MAP3K3: variants seen among roughly 807,000 people sequenced by gnomAD.
MAP3K3 encodes MAP/ERK kinase kinase 3.
MAP3K3 carries 12 observed loss-of-function variants against 80.9 expected under a neutral mutation model. The observed-to-expected ratio is 0.15, with a 90% CI of 0.10 to 0.24. The LOEUF is 0.24. Ranked by LOEUF, MAP3K3 falls within the 10% of genes least tolerant of loss-of-function variation. The pLI is 1.00. For synonymous variants in MAP3K3, 272 were observed against 307.1 expected (o/e 0.89, Z 1.19); for missense variants, 596 against 834.7 (o/e 0.71, Z 3.52).
At chr17:63,687,625 G>A (rs2035483993) in intron 8 of MAP3K3, among the ~76,000 whole-genome samples, 1 of 151,898 alleles carries the variant, frequency 6.6e-6, no homozygotes, top group Non-Finnish European at 1.5e-5. Flanking sequence ...AGGAGGTGGA[G>A]GTTGCAGTGA....
In MAP3K3 at chr17:63,691,654, C is replaced by A; in HGVS notation, c.1345-79C>A. The stretch of plus-strand genomic sequence containing the variant: ...ATTGAACAAATCACTCCTTTGCTGC[C>A]ATGCTGGGGGCTGGAATGGGCTTGC... On this transcript the variant is annotated intron_variant, in intron 13 of 15. Coordinates refer to ENST00000361733, the MANE Select transcript of MAP3K3 (RefSeq NM_002401.5). This position sits in a 1 kb window ranked among gnomAD's most constrained non-coding sequence, Gnocchi z 4.8. 4 of 1,550,038 alleles carry A rather than the reference C, an allele frequency of 2.6e-6. No individual in the cohort carries two copies. The South Asian group carries it at 4.8e-5, about 18-fold the overall frequency.
Position 63,622,738 on chromosome 17 carries a change from C to T in MAP3K3, c.-22C>T, listed in dbSNP as rs776978383. 3.9e-6 allele frequency: 2 copies of T among 518,350 alleles called. No individual in the cohort carries two copies. Among genetic ancestry groups the T allele is most frequent in the Admixed American group, 4.6e-5 (2 of 43,542 alleles). 32.1% of individuals were successfully genotyped at this position (518,350 alleles called of 1,614,324 possible). A position where few individuals can be genotyped will look rare whatever the true frequency, so the allele number is the denominator to read the frequency against. On this transcript the variant is annotated 5_prime_UTR_variant, in exon 1 of 16. Coordinates refer to ENST00000361733, the MANE Select transcript of MAP3K3 (RefSeq NM_002401.5). Reference sequence around the variant, plus strand: ...GGAGGTGACACTCACGGACCTTAGCCACCGCCGCCGCCATCGCCACCATGG... The same window carrying T: ...GGAGGTGACACTCACGGACCTTAGCTACCGCCGCCGCCATCGCCACCATGG...
At chr17:63,647,137 C>T (rs1450089535) in intron 3 of MAP3K3, among the ~76,000 whole-genome samples, 2 of 152,168 alleles carry the variant, frequency 1.3e-5, no homozygotes, top group African/African-American at 4.8e-5. Context: ...ACTATTCTCC[C>T]TTTAAAATAC....
At chr17:63,626,866 C>G (rs2034113339) in intron 1 of MAP3K3, among the ~76,000 whole-genome samples, 1 of 152,028 alleles carries the variant, frequency 6.6e-6, no homozygotes, top group Non-Finnish European at 1.5e-5. Flanking sequence ...TTAAATGAAA[C>G]AAAACAAAGA....
intron 6 of MAP3K3, among the ~76,000 whole-genome samples, chr17:63,678,250 A>C (rs1307880964): frequency 6.6e-6 from 1 of 152,130 alleles, no homozygotes; most frequent in Non-Finnish European, 1.5e-5. Context: ...ATATTTTTTT[A>C]AGAAAAAAAA....
intron 5 of MAP3K3, among the ~76,000 whole-genome samples, chr17:63,662,059 C>T (rs969420755): frequency 7.9e-5 from 12 of 151,698 alleles, no homozygotes; most frequent in African/African-American, 2.4e-4. Context: ...GCCAGGATTG[C>T]GCCATTGCAC....
At chr17:63,676,443 C>T (rs2035221606) in intron 6 of MAP3K3, among the ~76,000 whole-genome samples, 1 of 152,228 alleles carries the variant, frequency 6.6e-6, no homozygotes, top group South Asian at 2.1e-4. Context: ...TTCATCCTGC[C>T]TAGGCATAGT....
intron 3 of MAP3K3, among the ~76,000 whole-genome samples, chr17:63,650,696 GT>G (rs1555688792): frequency 9.8e-5 from 11 of 112,486 alleles, no homozygotes; most frequent in Admixed American, 1.7e-4. Context: ...GAGAGAGAGA[GT>G]TTTTTTTTTT....
chr17:63,630,515 T>C (rs2034194226), intron 1 of MAP3K3, among the ~76,000 whole-genome samples: 1 of 152,100 alleles, frequency 6.6e-6, no homozygotes, highest in South Asian at 2.1e-4. Context: ...TTTTGTAGAA[T>C]GTAGTTTTGC....
intron 1 of MAP3K3, among the ~76,000 whole-genome samples, chr17:63,631,478 A>T (rs1002336127): frequency 6.6e-6 from 1 of 152,198 alleles, no homozygotes; most frequent in South Asian, 2.1e-4. Flanking sequence ...GTGTGCCCCA[A>T]GTCCCCAAAT....
intron 6 of MAP3K3, among the ~76,000 whole-genome samples, chr17:63,678,723 A>G (rs2035270589): frequency 6.6e-6 from 1 of 152,230 alleles, no homozygotes. Flanking sequence ...CTGACTTAAT[A>G]TAGAAGAATT....
intron 1 of MAP3K3, among the ~76,000 whole-genome samples, chr17:63,630,178 A>G (rs1321824921): frequency 1.3e-5 from 2 of 152,182 alleles, no homozygotes; most frequent in Non-Finnish European, 2.9e-5. Context: ...TTATTATTAC[A>G]GTTGGCCCAA....
intron 5 of MAP3K3, among the ~76,000 whole-genome samples, chr17:63,659,321 A>G (rs1406575262): frequency 6.6e-6 from 1 of 152,186 alleles, no homozygotes; most frequent in Non-Finnish European, 1.5e-5. Flanking sequence ...AAATATTTAC[A>G]TTTAAGAGTA....
intron 7 of MAP3K3, 129 bp from the exon 8 acceptor site, chr17:63,685,388 C>A: frequency 1.3e-6 from 1 of 746,638 alleles, no homozygotes. Flanking sequence ...CTTCCCATTG[C>A]ATGGGGAGAA....
intron 1 of MAP3K3, among the ~76,000 whole-genome samples, chr17:63,628,596 G>C (rs905219579): frequency 6.6e-6 from 1 of 152,108 alleles, no homozygotes; most frequent in Non-Finnish European, 1.5e-5. Flanking sequence ...CTAACCTCAG[G>C]TGATCCACCT....
At chr17:63,658,404 T>C (rs1015953960) in intron 5 of MAP3K3, among the ~76,000 whole-genome samples, 6 of 152,204 alleles carry the variant, frequency 3.9e-5, no homozygotes, top group South Asian at 2.1e-4. Context: ...TTATAACTTA[T>C]CAGCTGTTGC....
intron 5 of MAP3K3, among the ~76,000 whole-genome samples, chr17:63,658,222 CAA>C (rs927986558): frequency 7.2e-5 from 11 of 152,180 alleles, no homozygotes; most frequent in African/African-American, 2.7e-4. Flanking sequence ...TTGACCCCAA[CAA>C]GAGAAATTTG....
intron 8 of MAP3K3, among the ~76,000 whole-genome samples, chr17:63,687,841 G>T (rs2035491084): frequency 1.3e-5 from 2 of 152,130 alleles, no homozygotes; most frequent in African/African-American, 4.8e-5. Flanking sequence ...GGGAGGCTGA[G>T]GCAGGAGAAT....
chr17:63,674,775 T>A (rs1453468629), intron 6 of MAP3K3, among the ~76,000 whole-genome samples: 2 of 152,098 alleles, frequency 1.3e-5, no homozygotes, highest in African/African-American at 4.8e-5. Flanking sequence ...TGGAGATGAA[T>A]CGAGTCCAGG....
Sources: gnomAD v4.1 joint callset for allele counts (sites outside exome capture counted in the v4.1 genomes callset) on GRCh38, gnomAD v4.1.1 for gene constraint, Gnocchi (gnomAD v3.1) non-coding constraint, MANE v1.5 for transcripts, NCBI Gene and HGNC (gene_info 2026-07-23, HGNC 2026-07-21) for gene names.